The following NLRP2 variants were observed in gnomAD, a reference collection of about 807,000 sequenced individuals.
NLRP2 encodes the protein NACHT, LRR and PYD domains-containing protein 2.
Under a neutral mutation model 97.2 loss-of-function variants are expected in NLRP2, and 107 were observed. The observed-to-expected ratio is 1.10, with a 90% confidence interval of 0.94 to 1.29. NLRP2 has a LOEUF of 1.29. Ranked by LOEUF, NLRP2 falls within the 50% of genes most tolerant of loss-of-function variation. The pLI, the probability that NLRP2 is intolerant of heterozygous loss-of-function variation, is 0.00. For missense variants in NLRP2, 1,495 were observed against 1,330.3 expected, an observed-to-expected ratio of 1.12 and a Z score of -1.93; for synonymous variants, 663 against 551.5, an observed-to-expected ratio of 1.20 and a Z score of -2.83.
intron 2 of NLRP2, among the ~76,000 whole-genome samples, chr19:54,973,199 A>C (rs941622164): frequency 2.1e-3 from 304 of 146,348 alleles, no homozygotes; most frequent in Middle Eastern, 0.01. Flanking sequence ...AAAAAAAAAA[A>C]ACAAACAAAC....
intron 4 of NLRP2, 106 bp from the exon 5 acceptor site, chr19:54,981,511 C>CCT: frequency 3.8e-6 from 1 of 265,228 alleles, no homozygotes; most frequent in South Asian, 3.2e-5. Flanking sequence ...GATCCCGTGC[C>CCT]CCCCCTCCCC....
Position 54,982,382 on chromosome 19 carries a change from A to C in NLRP2, c.684A>C (p.Leu228=). ...GKTTLAQKLM[L]DWAEDNLIHK... ...CCACGCTGGCCCAGAAACTAATGCTAGACTGGGCAGAGGACAACCTCATCC... is the reference window on the plus strand; with the variant it reads ...CCACGCTGGCCCAGAAACTAATGCTCGACTGGGCAGAGGACAACCTCATCC... The change falls in exon 6 of 13, where the codon CTA becomes CTC. Residue 228 remains leucine (L), a synonymous_variant. Transcript: ENST00000448584. 3.7e-6 allele frequency: 6 copies of C among 1,614,114 alleles called. No individual in the cohort carries two copies. Among genetic ancestry groups the C allele is most frequent in the Non-Finnish European group, 5.1e-6 (6 of 1,180,030 alleles).
rs772349853 is a variant in NLRP2, at chr19:54,994,389, G to T, written c.2829G>T (p.Lys943Asn). ...ATCACATAGGAGTTAAGGGAATGAA[G>T]TTCCTGTGTGAGGCTTTGAGGAAAC... ...GLNHIGVKGM[K>N]FLCEALRKPL... The change falls in exon 11 of 13, where the codon AAG (lysine) becomes AAT (asparagine). Residue 943 changes from lysine (K) to asparagine (N), a missense_variant. Lys to Asn is a moderately conservative substitution (Grantham distance 94). Transcript: ENST00000448584. The T allele has an allele frequency of 6.2e-6, 10 of 1,613,648 alleles. No homozygotes were observed. The Admixed American group carries it at 1.7e-4, about 27-fold the overall frequency.
chr19:54,979,603 G>A (rs34261211), intron 4 of NLRP2, among the ~76,000 whole-genome samples: 26,946 of 151,766 alleles, frequency 0.18, 2,919 homozygotes, highest in Non-Finnish European at 0.25. Flanking sequence ...CACCCACTTC[G>A]GCCTCCCAAA....
chr19:54,981,757 C>A, intron 5 of NLRP2, 75 bp downstream of exon 5: 1 of 871,326 alleles, frequency 1.1e-6, no homozygotes, highest in Non-Finnish European at 2.0e-6. Context: ...CTTAACTTTC[C>A]TATGTAACAC....
intron 1 of NLRP2, among the ~76,000 whole-genome samples, chr19:54,968,575 C>T (rs1384718375): frequency 6.6e-6 from 1 of 151,886 alleles, no homozygotes; most frequent in African/African-American, 2.4e-5. Flanking sequence ...GCAATCCTCC[C>T]ACCTTGGCTT....
At chr19:54,967,408 G>A (rs2070524079) in intron 1 of NLRP2, among the ~76,000 whole-genome samples, 3 of 136,518 alleles carry the variant, frequency 2.2e-5, no homozygotes, top group Admixed American at 7.2e-5. Context: ...CTTGAACCCG[G>A]GAAGCGGAGG....
rs554886588 is a variant in NLRP2, at chr19:54,981,679, C to G, written c.460C>G (p.Pro154Ala). Residue 154 changes from proline (P) to alanine (A), a missense_variant, in exon 5 of 13, where the codon CCA becomes GCA. Transcript: ENST00000448584. The part of the protein sequence containing the change: ...LGKEVFKGKK[P>A]DKDNRCRYIL... ...TAAAGAAGTCTTTAAAGGAAAAAAG[C>G]CAGGTCTGTACCATATCTTCCTGCA... is the stretch of plus-strand genomic sequence containing the variant. The G allele has an allele frequency of 8.9e-5, 138 of 1,547,486 alleles. No homozygotes were observed. In the South Asian group the frequency reaches 1.5e-3, roughly 16 times the overall value.
chr19:54,985,160 T>G lies in NLRP2; in HGVS notation c.2144T>G (p.Leu715Arg). ...AATGATAGCTTTCTCAGTGCCTCCCTAGTAAGGATCCTGTGTGAACAAATA... is the reference window on the plus strand; with the variant it reads ...AATGATAGCTTTCTCAGTGCCTCCCGAGTAAGGATCCTGTGTGAACAAATA... ...AINDSFLSAS[L>R]VRILCEQIAS... The change falls in exon 7 of 13, where the codon CTA (leucine) becomes CGA (arginine). Residue 715 changes from leucine (L) to arginine (R), a missense_variant. By Grantham distance (102) the Leu-to-Arg change is moderately radical. Transcript: ENST00000448584. 6.2e-7 allele frequency: 1 copy of G among 1,614,134 alleles called. No homozygotes were observed. Among genetic ancestry groups the G allele is most frequent in the Non-Finnish European group, 8.5e-7 (1 of 1,180,012 alleles).
chr19:54,983,032 G>C lies in NLRP2; in HGVS notation c.1334G>C (p.Gly445Ala), dbSNP rs778472203. The C allele has an allele frequency of 5.6e-6, 9 of 1,610,710 alleles. No homozygotes were observed. The highest frequency in any genetic ancestry group is 6.8e-6 in the Non-Finnish European group (8 of 1,179,186). The change falls in exon 6 of 13, where the codon GGC (glycine) becomes GCC (alanine). Residue 445 changes from glycine to alanine, a missense_variant. By Grantham distance (60) the Gly-to-Ala change is moderately conservative. Transcript: ENST00000448584. The part of the protein sequence containing the change: ...SRFPQGAQLR[G>A]ALRTLSLLAA... The stretch of plus-strand genomic sequence containing the variant: ...TTCCCGCAGGGCGCACAGCTGCGGG[G>C]CGCGCTGCGGACGCTGAGCCTCCTG...
intron 2 of NLRP2, among the ~76,000 whole-genome samples, chr19:54,971,914 C>T (rs924720804): frequency 2.6e-5 from 4 of 151,960 alleles, no homozygotes; most frequent in East Asian, 1.9e-4. Flanking sequence ...CTGCAACCTC[C>T]GCCTCCCGGG....
intron 3 of NLRP2, among the ~76,000 whole-genome samples, chr19:54,976,049 A>G (rs377310151): frequency 6.2e-4 from 86 of 137,866 alleles, no homozygotes; most frequent in African/African-American, 2.2e-3. Flanking sequence ...ACACCTGGCC[A>G]TGAAGACTTT....
In NLRP2 at chr19:54,970,108, G is replaced by T. The variant is rs745973886; in HGVS notation, c.93G>T (p.Thr31=). The change falls in exon 2 of 13, where the codon ACG becomes ACT. Residue 31 remains threonine (T), a synonymous_variant. Transcript: ENST00000448584. ...TGAGCAAGTTCAAGTATCTGATCAC[G>T]ACCTTCTCCCTGGCACACGAGCTCC... The part of the protein sequence containing the change: ...DELSKFKYLI[T]TFSLAHELQK... 4.3e-6 allele frequency: 7 copies of T among 1,613,962 alleles called. No individual in the cohort carries two copies. Among genetic ancestry groups the T allele is most frequent in the Non-Finnish European group, 5.1e-6 (6 of 1,180,034 alleles).
rs1372654449 is a variant in NLRP2, at chr19:54,982,307, GCC to G, written c.611_612del (p.Pro204LeufsTer64). 29 of 1,613,990 alleles carry G rather than the reference GCC, an allele frequency of 1.8e-5. No individual in the cohort carries two copies. The African/African-American group carries it at 3.5e-4, about 19-fold the overall frequency. ...PFSNPRVLPG[P>X]FSYTVVLYGP... The stretch of plus-strand genomic sequence containing the variant: ...TCAGCAACCCCAGGGTGCTTCCCGG[GCC>G]CTTCTCATACACGGTGGTGCTGTAT... On this transcript the variant is annotated frameshift_variant, in exon 6 of 13. Transcript: ENST00000448584. LOFTEE classifies it high-confidence loss of function.
At chr19:54,992,585 T>C (rs1316645732) in intron 10 of NLRP2, among the ~76,000 whole-genome samples, 4 of 147,536 alleles carry the variant, frequency 2.7e-5, no homozygotes, top group South Asian at 2.2e-4. Flanking sequence ...TTTTTTTTTT[T>C]TGATAGTCTT....
At chr19:54,996,056 A>G (rs2072801211) in intron 11 of NLRP2, among the ~76,000 whole-genome samples, 1 of 150,486 alleles carries the variant, frequency 6.6e-6, no homozygotes, top group Non-Finnish European at 1.5e-5. Flanking sequence ...AAAAAAAACA[A>G]AAAAAACAAA....
chr19:54,996,047 A>C (rs1160427525), intron 11 of NLRP2, among the ~76,000 whole-genome samples: 8 of 147,916 alleles, frequency 5.4e-5, no homozygotes, highest in South Asian at 2.2e-4. Flanking sequence ...CAAAAAAAAA[A>C]AAAAAACAAA....
chr19:54,967,653 A>T (rs76807455), intron 1 of NLRP2, among the ~76,000 whole-genome samples: 9,516 of 152,004 alleles, frequency 0.063, 398 homozygotes, highest in African/African-American at 0.11. Context: ...CAAAAAAAAA[A>T]ATATATTGGA....
rs746044131 is a variant in NLRP2 at position 54,982,378 on chromosome 19, T to C, written c.680T>C (p.Met227Thr). 6 of 1,613,988 alleles carry C rather than the reference T, an allele frequency of 3.7e-6. No homozygotes were observed. Among genetic ancestry groups the C allele is most frequent in the African/African-American group, 1.3e-5 (1 of 74,916 alleles). ...LGKTTLAQKL[M>T]LDWAEDNLIH... ...AAAACCACGCTGGCCCAGAAACTAA[T>C]GCTAGACTGGGCAGAGGACAACCTC... Residue 227 changes from methionine (M) to threonine (T), a missense_variant, in exon 6 of 13, where the codon ATG becomes ACG. Transcript: ENST00000448584.
Sources: gnomAD v4.1 joint callset for allele counts (sites outside exome capture counted in the v4.1 genomes callset) on GRCh38, gnomAD v4.1.1 for gene constraint, MANE v1.5 for transcripts, NCBI Gene and HGNC (gene_info 2026-07-23, HGNC 2026-07-21) for gene names.